ONECUT2: variants seen among roughly 807,000 people sequenced by gnomAD.
ONECUT2 encodes one cut domain family member 2.
Under a neutral mutation model 27.9 loss-of-function variants are expected in ONECUT2, and 10 were observed. The ratio of observed to expected loss-of-function variants is 0.36; its 90% CI spans 0.22 to 0.61. The LOEUF is 0.61. Among genes scored for constraint, ONECUT2 ranks in the 20% least tolerant of loss-of-function variants. The pLI is 0.73. For missense variants in ONECUT2, 686 were observed against 721.0 expected, an observed-to-expected ratio of 0.95 and a Z score of 0.56; for synonymous variants, 334 against 315.1, an observed-to-expected ratio of 1.06 and a Z score of -0.64.
At chr18:57,475,635 C>A (rs2050378073) in intron 1 of ONECUT2, among the ~76,000 whole-genome samples, 1 of 152,144 alleles carries the variant, frequency 6.6e-6, no homozygotes, top group Non-Finnish European at 1.5e-5. Context: ...GCCTTGACTG[C>A]ATATGTCAGC....
intron 1 of ONECUT2, among the ~76,000 whole-genome samples, chr18:57,446,835 G>A (rs1464398861): frequency 2.0e-5 from 3 of 152,184 alleles, no homozygotes; most frequent in Admixed American, 2.0e-4. Flanking sequence ...GACTGTGCTT[G>A]GGGGAAGAGA....
At chr18:57,474,085 A>T (rs1283087535) in intron 1 of ONECUT2, among the ~76,000 whole-genome samples, 1 of 152,184 alleles carries the variant, frequency 6.6e-6, no homozygotes, top group African/African-American at 2.4e-5. Context: ...GTGTGTGTTT[A>T]ATTTTGAAGA....
At chr18:57,462,714 A>C (rs372189421) in intron 1 of ONECUT2, among the ~76,000 whole-genome samples, 17 of 88,100 alleles carry the variant, frequency 1.9e-4, no homozygotes, top group Non-Finnish European at 9.6e-5. Flanking sequence ...ACCCTATGTT[A>C]TTTTCTTTCT....
chr18:57,438,619 G>A (rs971829427), intron 1 of ONECUT2, among the ~76,000 whole-genome samples: 1 of 152,184 alleles, frequency 6.6e-6, no homozygotes, highest in East Asian at 1.9e-4. Flanking sequence ...GTCTGCTGGT[G>A]GATTCCTATT....
At position 57,435,823 on chromosome 18, in the gene ONECUT2, C is replaced by CCGG; in HGVS notation, c.115_117dup (p.Gly39dup). On this transcript the variant is annotated inframe_insertion, in exon 1 of 2. Coordinates refer to ENST00000491143, the MANE Select transcript of ONECUT2 (RefSeq NM_004852.3). ...AGTCTGGGCACTTTGCACGGGCCGG[C>CCGG]CGGCGGCGGCAGTGGCGGGGGCGGC... 6 of 1,117,660 alleles carry CCGG rather than the reference C, an allele frequency of 5.4e-6. No individual in the cohort carries two copies. The highest frequency in any genetic ancestry group is 6.7e-6 in the Non-Finnish European group (6 of 898,870). The allele number at this position is 1,117,660 out of a possible 1,614,324, so 69.2% of individuals were successfully genotyped here. A position where few individuals can be genotyped will look rare whatever the true frequency, so the allele number is the denominator to read the frequency against.
rs975300628 is a variant in ONECUT2 at position 57,480,772 on chromosome 18, G to GA, written c.*4056dup. 2.6e-5 allele frequency: 4 copies of GA among 152,000 alleles called. No individual in the cohort carries two copies. Among genetic ancestry groups the GA allele is most frequent in the African/African-American group, 9.7e-5 (4 of 41,394 alleles). 9.4% of individuals were successfully genotyped at this position (152,000 alleles called of 1,614,324 possible). ...ATTTCAATTTGTTAGAAATCTAACA[G>GA]AAAAAAATTTCTATATTGAAAGGTA... On this transcript the variant is annotated 3_prime_UTR_variant, in exon 2 of 2. Transcript: ENST00000491143.
chr18:57,461,413 G>C (rs905391512), intron 1 of ONECUT2, among the ~76,000 whole-genome samples: 1 of 152,176 alleles, frequency 6.6e-6, no homozygotes, highest in Non-Finnish European at 1.5e-5. Context: ...ACATGTACAT[G>C]CATCCTAATG....
At position 57,490,032 on chromosome 18, in the gene ONECUT2, G is replaced by C. The variant is rs1322335815; in HGVS notation, c.*13309G>C. 2.6e-5 allele frequency: 4 copies of C among 152,206 alleles called. No individual in the cohort carries two copies. Among genetic ancestry groups the C allele is most frequent in the African/African-American group, 9.6e-5 (4 of 41,452 alleles). The allele number at this position is 152,206 out of a possible 1,614,324, so 9.4% of individuals were successfully genotyped here. A position where few individuals can be genotyped will look rare whatever the true frequency, so the allele number is the denominator to read the frequency against. The stretch of plus-strand genomic sequence containing the variant: ...GATGCCAAAGAGCATCATAGGAAAA[G>C]ATAATTAGGGATTGACCAGCATTTC... On this transcript the variant is annotated 3_prime_UTR_variant, in exon 2 of 2. Coordinates refer to ENST00000491143, the MANE Select transcript of ONECUT2 (RefSeq NM_004852.3).
chr18:57,456,659 T>C (rs1387671378), intron 1 of ONECUT2, among the ~76,000 whole-genome samples: 2 of 152,208 alleles, frequency 1.3e-5, no homozygotes, highest in Admixed American at 1.3e-4. Flanking sequence ...TTCTGGAGAT[T>C]GTACAAGAAT....
At chr18:57,453,872 T>C (rs921968546) in intron 1 of ONECUT2, among the ~76,000 whole-genome samples, 1 of 152,148 alleles carries the variant, frequency 6.6e-6, no homozygotes, top group Non-Finnish European at 1.5e-5. Flanking sequence ...GAACAAACCC[T>C]TATTTTTCAA....
At chr18:57,466,984 G>C (rs1324086011) in intron 1 of ONECUT2, among the ~76,000 whole-genome samples, 1 of 152,222 alleles carries the variant, frequency 6.6e-6, no homozygotes, top group Non-Finnish European at 1.5e-5. Flanking sequence ...AGCTACAGGG[G>C]CCTGAACCTT....
chr18:57,460,752 C>T (rs535842595), intron 1 of ONECUT2, among the ~76,000 whole-genome samples: 16 of 143,996 alleles, frequency 1.1e-4, no homozygotes, highest in African/African-American at 4.2e-4. Context: ...TGCAGTGGCA[C>T]AATCACAGCT....
chr18:57,469,241 CT>C (rs535064748), intron 1 of ONECUT2, among the ~76,000 whole-genome samples: 67 of 152,320 alleles, frequency 4.4e-4, no homozygotes, highest in African/African-American at 1.5e-3. Context: ...GCTGCGAGCT[CT>C]TCAGCTGAAA....
chr18:57,462,624 G>A (rs1001493479), intron 1 of ONECUT2, among the ~76,000 whole-genome samples: 1 of 151,768 alleles, frequency 6.6e-6, no homozygotes, highest in South Asian at 2.1e-4. Flanking sequence ...TAATTTTAAC[G>A]GGCCCCAATA....
chr18:57,435,627 C>G lies in ONECUT2; in HGVS notation c.-90C>G, dbSNP rs1162220112. 2.0e-6 allele frequency: 2 copies of G among 982,192 alleles called. No homozygotes were observed. Among genetic ancestry groups the G allele is most frequent in the Non-Finnish European group, 1.2e-6 (1 of 824,576 alleles). 60.8% of individuals were successfully genotyped at this position (982,192 alleles called of 1,614,324 possible). Reference sequence around the variant, plus strand: ...CTCCACTCACTCCCGCGCCCGCCCCCACTCCCGCAGCCGAGCCCCGCCACG... The same window carrying G: ...CTCCACTCACTCCCGCGCCCGCCCCGACTCCCGCAGCCGAGCCCCGCCACG... On this transcript the variant is annotated 5_prime_UTR_variant, in exon 1 of 2. Coordinates refer to ENST00000491143, the MANE Select transcript of ONECUT2 (RefSeq NM_004852.3).
chr18:57,447,364 G>A (rs1444848965), intron 1 of ONECUT2, among the ~76,000 whole-genome samples: 2 of 152,228 alleles, frequency 1.3e-5, no homozygotes, highest in African/African-American at 4.8e-5. Flanking sequence ...CCAGGCAAGA[G>A]CCTGACCAGT....
At chr18:57,450,958 C>T (rs953293449) in intron 1 of ONECUT2, among the ~76,000 whole-genome samples, 6 of 152,068 alleles carry the variant, frequency 3.9e-5, no homozygotes. Flanking sequence ...ATGAACTAGC[C>T]CTTGTCCCTT....
At chr18:57,470,691 A>C (rs1487662118) in intron 1 of ONECUT2, among the ~76,000 whole-genome samples, 1 of 152,136 alleles carries the variant, frequency 6.6e-6, no homozygotes, top group African/African-American at 2.4e-5. Flanking sequence ...TCAAGGTGAC[A>C]TGCGGTTCCA....
chr18:57,466,218 G>C (rs886486057), intron 1 of ONECUT2, among the ~76,000 whole-genome samples: 16 of 152,174 alleles, frequency 1.1e-4, no homozygotes, highest in Admixed American at 1.0e-3. Context: ...TAGATGGATG[G>C]CTGCTGAATT....
Sources: gnomAD v4.1 joint callset for allele counts (sites outside exome capture counted in the v4.1 genomes callset) on GRCh38, gnomAD v4.1.1 for gene constraint, MANE v1.5 for transcripts, NCBI Gene and HGNC (gene_info 2026-07-23, HGNC 2026-07-21) for gene names.